Variants in MAGI2 observed in about 807,000 individuals in gnomAD.
The protein encoded by MAGI2 is membrane associated guanylate kinase, WW and PDZ domain containing 2.
A neutral mutation model predicts 133.3 loss-of-function variants in MAGI2; 35 were observed. The ratio of observed to expected loss-of-function variants is 0.26; its 90% CI spans 0.20 to 0.35. MAGI2 has a LOEUF of 0.35. MAGI2 is among the 10% of genes least tolerant of loss of function. The pLI, the probability that MAGI2 is intolerant of heterozygous loss-of-function variation, is 1.00. For missense variants in MAGI2, 1,636 were observed against 1,863.4 expected, an observed-to-expected ratio of 0.88 and a Z score of 2.25; for synonymous variants, 729 against 710.6, an observed-to-expected ratio of 1.03 and a Z score of -0.41.
intron 1 of MAGI2, among the ~76,000 whole-genome samples, chr7:79,310,974 C>A (rs1197629342): frequency 2.0e-5 from 3 of 151,616 alleles, no homozygotes; most frequent in Non-Finnish European, 2.9e-5. Context: ...ACACCCCTCT[C>A]CATTTCACTC....
chr7:79,130,558 G>T (rs1183932647), intron 1 of MAGI2, among the ~76,000 whole-genome samples: 2 of 152,132 alleles, frequency 1.3e-5, no homozygotes, highest in African/African-American at 4.8e-5. Context: ...CTGATAATTT[G>T]CCAACATTGA....
chr7:78,298,015 AAAG>A (rs1481190826), intron 9 of MAGI2, among the ~76,000 whole-genome samples: 4 of 152,160 alleles, frequency 2.6e-5, no homozygotes, highest in South Asian at 4.1e-4. Flanking sequence ...GGGAAAAAAA[AAAG>A]ATTAACATTA....
intron 1 of MAGI2, among the ~76,000 whole-genome samples, chr7:79,271,363 C>T (rs556841769): frequency 4.6e-5 from 7 of 152,136 alleles, no homozygotes; most frequent in East Asian, 3.9e-4. Context: ...AATGAGGCAC[C>T]ATAGAACTCC....
intron 3 of MAGI2, among the ~76,000 whole-genome samples, chr7:78,527,913 G>T (rs1285848090): frequency 6.6e-6 from 1 of 152,164 alleles, no homozygotes; most frequent in East Asian, 1.9e-4. Context: ...TTTTACAAAG[G>T]TAATAAATAT....
chr7:78,972,469 C>A (rs1803873914), intron 2 of MAGI2, among the ~76,000 whole-genome samples: 1 of 151,684 alleles, frequency 6.6e-6, no homozygotes, highest in Non-Finnish European at 1.5e-5. Flanking sequence ...AATTGTGAAA[C>A]TAAAACATTA....
intron 1 of MAGI2, among the ~76,000 whole-genome samples, chr7:79,070,153 C>A (rs1027694706): frequency 6.6e-6 from 1 of 152,066 alleles, no homozygotes; most frequent in African/African-American, 2.4e-5. Flanking sequence ...TGTTGGCCTG[C>A]CTTGCTAGGC....
chr7:78,364,277 AG>A (rs1407261284), intron 7 of MAGI2, among the ~76,000 whole-genome samples: 1 of 152,222 alleles, frequency 6.6e-6, no homozygotes, highest in Non-Finnish European at 1.5e-5. Flanking sequence ...TAAACTTTAA[AG>A]TTAGGAACTT....
intron 6 of MAGI2, among the ~76,000 whole-genome samples, chr7:78,402,193 TGG>T (rs138823701): frequency 0.046 from 6,918 of 151,036 alleles, 233 homozygotes; most frequent in Middle Eastern, 0.066. Context: ...TGTGCCCACC[TGG>T]GGGGTGTGTG....
rs144883686 is a variant in MAGI2 at position 78,499,532 on chromosome 7, A to G, written c.965+2045T>C. Among the ~76,000 whole-genome samples the G allele has an allele frequency of 4.1e-3, 619 of 152,354 alleles. 3 individuals carry two copies. The highest frequency in any genetic ancestry group is 0.014 in the African/African-American group (589 of 41,580). On this transcript the variant is annotated intron_variant, in intron 5 of 21. Transcript: ENST00000354212. ...GCTAGATTCTCTCAAGCCCTGAGCC[A>G]GCCTCACTACTTACTATATACCTGG...
rs1201560924 is a variant in MAGI2, at chr7:79,133,734, T to C, written c.302-126528A>G. 2.0e-5 allele frequency among the ~76,000 whole-genome samples: 3 copies of C among 152,308 alleles called. No homozygotes were observed. In the East Asian group the frequency reaches 5.8e-4, roughly 29 times the overall value. ...CATGCAACAGAAAATTTTTCAATTA[T>C]AGAATTACTACTATACTTAGTGCTA... On this transcript the variant is annotated intron_variant, in intron 1 of 21. Coordinates refer to ENST00000354212, the MANE Select transcript of MAGI2 (RefSeq NM_012301.4).
chr7:78,385,984 C>G (rs964574174), intron 6 of MAGI2, among the ~76,000 whole-genome samples: 8 of 42,124 alleles, frequency 1.9e-4, no homozygotes, highest in African/African-American at 4.3e-4. Context: ...CTGATTCAAA[C>G]AGAGCAAAAC....
intron 2 of MAGI2, among the ~76,000 whole-genome samples, chr7:78,885,158 G>C (rs1271263657): frequency 6.6e-6 from 1 of 152,134 alleles, no homozygotes; most frequent in African/African-American, 2.4e-5. Context: ...CTACTAGAGA[G>C]AGCATAGGAG....
At chr7:78,301,039 AGTGAGGT>A in intron 9 of MAGI2, among the ~76,000 whole-genome samples, 3 of 152,314 alleles carry the variant, frequency 2.0e-5, no homozygotes, top group Non-Finnish European at 4.4e-5. Context: ...AGATGAACAA[AGTGAGGT>A]GTAAGAAGAC....
At chr7:79,346,780 A>C (rs17152326) in intron 1 of MAGI2, among the ~76,000 whole-genome samples, 47,108 of 151,690 alleles carry the variant, frequency 0.31, 7,608 homozygotes, top group Admixed American at 0.38. Context: ...CTCACACCTT[A>C]TCTGGTTTTC....
intron 1 of MAGI2, among the ~76,000 whole-genome samples, chr7:79,397,354 T>C (rs753950571): frequency 2.5e-4 from 38 of 151,914 alleles, no homozygotes; most frequent in Non-Finnish European, 4.0e-4. Context: ...ATTATCATTT[T>C]AATAGGTGCC....
chr7:79,052,280 G>C (rs1306613044), intron 1 of MAGI2, among the ~76,000 whole-genome samples: 26 of 152,152 alleles, frequency 1.7e-4, no homozygotes. Context: ...GATCAAGTGG[G>C]ATCCCAATAA....
At chr7:78,729,236 G>A (rs1217766479) in intron 2 of MAGI2, among the ~76,000 whole-genome samples, 2 of 152,162 alleles carry the variant, frequency 1.3e-5, no homozygotes, top group African/African-American at 4.8e-5. Context: ...AAAAAGTGAG[G>A]ATTACTCCCA....
intron 2 of MAGI2, among the ~76,000 whole-genome samples, chr7:78,977,016 C>A (rs1804319540): frequency 6.6e-6 from 1 of 151,560 alleles, no homozygotes; most frequent in Admixed American, 6.6e-5. Flanking sequence ...CCATTCTTTC[C>A]CAACTTGGTC....
At chr7:78,849,822 A>G (rs905794806) in intron 2 of MAGI2, among the ~76,000 whole-genome samples, 1 of 151,954 alleles carries the variant, frequency 6.6e-6, no homozygotes, top group Non-Finnish European at 1.5e-5. Flanking sequence ...TTTATTCTTT[A>G]TTTTGTTATT....
Sources: gnomAD v4.1 joint callset for allele counts (sites outside exome capture counted in the v4.1 genomes callset) on GRCh38, gnomAD v4.1.1 for gene constraint, MANE v1.5 for transcripts, NCBI Gene and HGNC (gene_info 2026-07-23, HGNC 2026-07-21) for gene names.